EDIL3: variants seen among roughly 807,000 people sequenced by gnomAD.
EDIL3 encodes the protein EGF-like repeat and discoidin I-like domain-containing protein 3.
EDIL3 carries 37 observed loss-of-function variants against 67.4 expected under a neutral mutation model. The ratio of observed to expected loss-of-function variants is 0.55; its 90% CI spans 0.42 to 0.72. EDIL3 has a LOEUF of 0.72. Ranked by LOEUF, EDIL3 falls within the 30% of genes least tolerant of loss-of-function variation. The pLI, the probability that EDIL3 is intolerant of heterozygous loss-of-function variation, is 0.00. For synonymous variants in EDIL3, 195 were observed against 196.3 expected, an observed-to-expected ratio of 0.99 and a Z score of 0.05; for missense variants, 527 against 586.3, an observed-to-expected ratio of 0.90 and a Z score of 1.04.
rs1746976213 is a variant in EDIL3 at position 84,335,900 on chromosome 5, T to A, written c.67+48408A>T. Among the ~76,000 whole-genome samples, 4 of 152,184 alleles carry A rather than the reference T, an allele frequency of 2.6e-5. No individual in the cohort carries two copies. The South Asian group carries it at 8.3e-4, about 31-fold the overall frequency. On this transcript the variant is annotated intron_variant, in intron 1 of 10. Coordinates refer to ENST00000296591, the MANE Select transcript of EDIL3 (RefSeq NM_005711.5). Reference sequence around the variant, plus strand: ...TATTCAGTGTCTTGTGAAGACTCACTCTCTTCTGCAAAGATAGCACTACTT... The same window carrying A: ...TATTCAGTGTCTTGTGAAGACTCACACTCTTCTGCAAAGATAGCACTACTT...
chr5:83,989,522 C>T (rs911658260), intron 9 of EDIL3, among the ~76,000 whole-genome samples: 3 of 152,158 alleles, frequency 2.0e-5, no homozygotes, highest in African/African-American at 7.2e-5. Context: ...CCTGATGGTT[C>T]CTTTGGGTCT....
intron 2 of EDIL3, among the ~76,000 whole-genome samples, chr5:84,247,686 T>C (rs552884515): frequency 1.3e-5 from 2 of 152,158 alleles, no homozygotes; most frequent in African/African-American, 2.4e-5. Context: ...TAAGTTTCTA[T>C]GGAATATGAT....
chr5:84,269,004 T>C (rs896518071), intron 1 of EDIL3, among the ~76,000 whole-genome samples: 1 of 152,206 alleles, frequency 6.6e-6, no homozygotes, highest in Non-Finnish European at 1.5e-5. Flanking sequence ...TGAAAAAGTT[T>C]AAAAAGTTAT....
chr5:84,206,868 A>C (rs1267387605), intron 3 of EDIL3, among the ~76,000 whole-genome samples: 1 of 152,246 alleles, frequency 6.6e-6, no homozygotes, highest in Non-Finnish European at 1.5e-5. Flanking sequence ...AAAAACTCTC[A>C]ATAAATTAGG....
At chr5:83,972,269 C>T (rs925416312) in intron 9 of EDIL3, among the ~76,000 whole-genome samples, 1 of 152,108 alleles carries the variant, frequency 6.6e-6, no homozygotes, top group Non-Finnish European at 1.5e-5. Context: ...CAAGTACTGA[C>T]TACAGCAAGA....
At chr5:84,014,239 T>C (rs1000621727) in intron 9 of EDIL3, among the ~76,000 whole-genome samples, 1 of 152,228 alleles carries the variant, frequency 6.6e-6, no homozygotes, top group Non-Finnish European at 1.5e-5. Context: ...AATGAACTGA[T>C]AGTCACAGAA....
At chr5:84,220,939 C>T (rs1744329947) in intron 3 of EDIL3, among the ~76,000 whole-genome samples, 1 of 152,046 alleles carries the variant, frequency 6.6e-6, no homozygotes, top group African/African-American at 2.4e-5. Context: ...AAATTTTCGC[C>T]ACAGAAGATA....
In EDIL3 at chr5:84,149,814, G is replaced by A. The variant is rs531130206; in HGVS notation, c.356-12460C>T. On this transcript the variant is annotated intron_variant, in intron 4 of 10. Coordinates refer to ENST00000296591, the MANE Select transcript of EDIL3 (RefSeq NM_005711.5). ...CAGAGATGAAACTAACAATGTGTGA[G>A]ATGAAAAATATGCCAGAAAGGAATA... 3.9e-5 allele frequency among the ~76,000 whole-genome samples: 6 copies of A among 151,990 alleles called. No homozygotes were observed. The East Asian group carries it at 5.8e-4, about 15-fold the overall frequency.
At chr5:83,981,450 A>G (rs1462577095) in intron 9 of EDIL3, among the ~76,000 whole-genome samples, 1 of 152,072 alleles carries the variant, frequency 6.6e-6, no homozygotes, top group Non-Finnish European at 1.5e-5. Flanking sequence ...ATAAAACAGT[A>G]TATTGTGAAC....
intron 4 of EDIL3, among the ~76,000 whole-genome samples, chr5:84,141,140 T>A: frequency 6.6e-6 from 1 of 152,016 alleles, no homozygotes; most frequent in East Asian, 1.9e-4. Context: ...CCAAATATAC[T>A]ACTAGGTTAT....
At chr5:84,048,370 C>T in intron 9 of EDIL3, 1 of 282,300 alleles carries the variant, frequency 3.5e-6, no homozygotes, top group Non-Finnish European at 7.2e-6. Context: ...CTGACATGGA[C>T]TAAATTAAAT....
chr5:84,011,441 T>C (rs1333124155), intron 9 of EDIL3, among the ~76,000 whole-genome samples: 1 of 152,208 alleles, frequency 6.6e-6, no homozygotes, highest in Non-Finnish European at 1.5e-5. Flanking sequence ...AGTATTGCAA[T>C]ATTTTCTTAG....
At chr5:83,998,819 C>A (rs781393989) in intron 9 of EDIL3, among the ~76,000 whole-genome samples, 2 of 152,136 alleles carry the variant, frequency 1.3e-5, no homozygotes, top group Non-Finnish European at 2.9e-5. Flanking sequence ...TACAGGCCTT[C>A]GGCAAGACCT....
At chr5:84,243,089 GTA>G (rs1744831931) in intron 2 of EDIL3, among the ~76,000 whole-genome samples, 1 of 142,198 alleles carries the variant, frequency 7.0e-6, no homozygotes, top group African/African-American at 2.6e-5. Flanking sequence ...GTGTGTGTGT[GTA>G]AATGAATGGT....
At chr5:84,115,247 C>T (rs975323294) in intron 5 of EDIL3, among the ~76,000 whole-genome samples, 23 of 152,096 alleles carry the variant, frequency 1.5e-4, no homozygotes, top group African/African-American at 5.6e-4. Context: ...GGAATGAAAA[C>T]CACATTTATA....
chr5:84,164,931 G>A (rs115816501), intron 4 of EDIL3, among the ~76,000 whole-genome samples: 2,343 of 152,176 alleles, frequency 0.015, 29 homozygotes, highest in Non-Finnish European at 0.023. Context: ...TGGCATTATC[G>A]ATGAGCGATA....
intron 10 of EDIL3, among the ~76,000 whole-genome samples, chr5:83,954,214 A>C (rs966107181): frequency 2.0e-5 from 3 of 151,724 alleles, no homozygotes; most frequent in Non-Finnish European, 4.4e-5. Flanking sequence ...TATAATAAAC[A>C]ATCAAAATAT....
At position 84,049,992 on chromosome 5, in the gene EDIL3, G is replaced by A. The variant is rs530557066; in HGVS notation, c.1137+10308C>T. 7.2e-5 allele frequency among the ~76,000 whole-genome samples: 11 copies of A among 152,120 alleles called. No homozygotes were observed. The South Asian group carries it at 1.5e-3, about 20-fold the overall frequency. Reference sequence around the variant, plus strand: ...AGACGGGTGGATCATGAGGTCAGGAGATCGAGACCATCCTGGCTAACACGG... The same window carrying A: ...AGACGGGTGGATCATGAGGTCAGGAAATCGAGACCATCCTGGCTAACACGG... On this transcript the variant is annotated intron_variant, in intron 9 of 10. Transcript: ENST00000296591.
At chr5:84,375,302 G>T (rs1184709005) in intron 1 of EDIL3, among the ~76,000 whole-genome samples, 1 of 151,936 alleles carries the variant, frequency 6.6e-6, no homozygotes, top group Non-Finnish European at 1.5e-5. Flanking sequence ...TGTGAAAATG[G>T]AATAATACAG....
Sources: gnomAD v4.1 joint callset for allele counts (sites outside exome capture counted in the v4.1 genomes callset) on GRCh38, gnomAD v4.1.1 for gene constraint, MANE v1.5 for transcripts, NCBI Gene and HGNC (gene_info 2026-07-23, HGNC 2026-07-21) for gene names.